UGT1A7: variants seen among roughly 807,000 people sequenced by gnomAD.
UGT1A7 encodes UDP-glucuronosyltransferase 1A7.
In UGT1A7, 33 loss-of-function variants were observed where a neutral mutation model predicts 45.6. That is an observed-to-expected ratio of 0.72 (90% confidence interval 0.55 to 0.97). The LOEUF (loss-of-function observed/expected upper bound fraction) is 0.97. Ranked by LOEUF, UGT1A7 falls within the 50% of genes least tolerant of loss-of-function variation. UGT1A7 has a pLI of 0.00. For missense variants in UGT1A7, 684 were observed against 666.2 expected (o/e 1.03, Z -0.29); for synonymous variants, 274 against 250.6 (o/e 1.09, Z -0.88).
chr2:233,752,891 G>A (rs76026343), intron 1 of UGT1A7, among the ~76,000 whole-genome samples: 3,078 of 152,286 alleles, frequency 0.02, 63 homozygotes, highest in Non-Finnish European at 0.029. Context: ...ACTAGCCAGC[G>A]TTGTTACAGA....
intron 1 of UGT1A7, chr2:233,753,285 G>A (rs1446489164): frequency 6.6e-6 from 1 of 152,238 alleles, no homozygotes; most frequent in Admixed American, 6.5e-5. Context: ...TGATTTCAGA[G>A]TTCAGTGTGA....
rs72551358 is a variant in UGT1A7 at position 233,772,345 on chromosome 2, A to T, written c.1379A>T (p.Glu460Val). Residue 460 changes from glutamate (E) to valine (V), a missense_variant, in exon 5 of 5, where the codon GAG becomes GTG. Coordinates refer to ENST00000373426, the MANE Select transcript of UGT1A7 (RefSeq NM_019077.3). ...CTGGACCTGGCCGTGTTCTGGGTGGAGTTTGTGATGAGGCACAAGGGCGCG... is the reference window on the plus strand; with the variant it reads ...CTGGACCTGGCCGTGTTCTGGGTGGTGTTTGTGATGAGGCACAAGGGCGCG... ...EPLDLAVFWV[E>V]FVMRHKGAPH... 7 of 1,614,196 alleles carry T rather than the reference A, an allele frequency of 4.3e-6. No homozygotes were observed. In the South Asian group the frequency reaches 7.7e-5, roughly 18 times the overall value.
rs543664272 is a variant in UGT1A7 at position 233,740,192 on chromosome 2, C to A, written c.856-26842C>A. Among the ~76,000 whole-genome samples, 491 of 151,932 alleles carry A rather than the reference C, an allele frequency of 3.2e-3. 4 individuals are homozygous for A. The highest frequency in any genetic ancestry group is 5.8e-3 in the Non-Finnish European group (395 of 68,032). On this transcript the variant is annotated intron_variant, in intron 1 of 4. Transcript: ENST00000373426. ...AACTGTGAGTCAATTAAACCTCTTT[C>A]TTTTATAAATTACCCAGTCTCAGCT...
chr2:233,764,393 C>G (rs1698551622), intron 1 of UGT1A7, among the ~76,000 whole-genome samples: 7 of 152,218 alleles, frequency 4.6e-5, no homozygotes. Context: ...GCCGTGATGA[C>G]AACTTCTCTG....
In UGT1A7 at chr2:233,693,952, C is replaced by T. The variant is rs1040286901; in HGVS notation, c.855+11160C>T. ...ATTTGGCTCCTTGAGCCGACTGTCC[C>T]TTGGAGGATTTCCTGGAGAAACGGT... On this transcript the variant is annotated intron_variant, in intron 1 of 4. Coordinates refer to ENST00000373426, the MANE Select transcript of UGT1A7 (RefSeq NM_019077.3). The T allele has an allele frequency of 1.9e-6, 3 of 1,588,800 alleles. No homozygotes were observed. The African/African-American group carries it at 4.1e-5, about 21-fold the overall frequency.
intron 1 of UGT1A7, among the ~76,000 whole-genome samples, chr2:233,684,674 T>C (rs983041087): frequency 2.0e-5 from 3 of 152,100 alleles, no homozygotes; most frequent in African/African-American, 7.2e-5. Context: ...AATATACATA[T>C]GATAGGATTT....
At chr2:233,749,503 T>C (rs1362784067) in intron 1 of UGT1A7, among the ~76,000 whole-genome samples, 2 of 151,872 alleles carry the variant, frequency 1.3e-5, no homozygotes, top group African/African-American at 2.4e-5. Flanking sequence ...CTTAGAGAAT[T>C]AGAGAACACT....
At chr2:233,721,253 T>C (rs373881377) in intron 1 of UGT1A7, among the ~76,000 whole-genome samples, 4 of 152,188 alleles carry the variant, frequency 2.6e-5, no homozygotes, top group East Asian at 3.9e-4. Flanking sequence ...AAAATATATA[T>C]GTTCTTTAGC....
At chr2:233,729,664 T>G (rs755209657) in intron 1 of UGT1A7, 35 of 1,613,812 alleles carry the variant, frequency 2.2e-5, no homozygotes, top group Non-Finnish European at 3.0e-5. Context: ...TCCATGTGAT[T>G]TAGACTTTAA....
chr2:233,683,340 G>C (rs2074629186), intron 1 of UGT1A7, among the ~76,000 whole-genome samples: 1 of 152,046 alleles, frequency 6.6e-6, no homozygotes, highest in Admixed American at 6.6e-5. Context: ...ATAATTGCAT[G>C]GTAGTCTTTA....
Position 233,682,699 on chromosome 2 carries a change from A to G in UGT1A7, c.762A>G (p.Arg254=). The change falls in exon 1 of 5, where the codon CGA becomes CGG. Residue 254 remains arginine, a synonymous_variant. Coordinates refer to ENST00000373426, the MANE Select transcript of UGT1A7 (RefSeq NM_019077.3). ...LYSHTSIWLL[R]TDFVLEYPKP... ...GCCACACATCAATTTGGTTGTTGCG[A>G]ACTGACTTTGTTTTGGAGTATCCCA... 6.2e-7 allele frequency: 1 copy of G among 1,613,906 alleles called. No individual in the cohort carries two copies. Among genetic ancestry groups the G allele is most frequent in the Non-Finnish European group, 8.5e-7 (1 of 1,179,794 alleles).
At chr2:233,725,956 A>C (rs1405968247) in intron 1 of UGT1A7, among the ~76,000 whole-genome samples, 2 of 152,278 alleles carry the variant, frequency 1.3e-5, no homozygotes, top group East Asian at 3.9e-4. Flanking sequence ...GTTTGAGCCC[A>C]GGAGTCTGAG....
chr2:233,757,562 G>GATATATATA (rs1696648748), intron 1 of UGT1A7, among the ~76,000 whole-genome samples: 1 of 90,870 alleles, frequency 1.1e-5, no homozygotes, highest in African/African-American at 5.1e-5. Context: ...ATATATATAT[G>GATATATATA]TATATATGAT....
At chr2:233,705,496 C>T (rs190154138) in intron 1 of UGT1A7, among the ~76,000 whole-genome samples, 1 of 152,074 alleles carries the variant, frequency 6.6e-6, no homozygotes. Flanking sequence ...ATAATAAATA[C>T]CTTTTTAAGA....
chr2:233,769,821 C>T lies in UGT1A7; in HGVS notation c.1295+1382C>T, dbSNP rs1699946575. 1.3e-6 allele frequency: 1 copy of T among 784,900 alleles called. No homozygotes were observed. 48.6% of individuals were successfully genotyped at this position (784,900 alleles called of 1,614,324 possible). A position where few individuals can be genotyped will look rare whatever the true frequency, so the allele number is the denominator to read the frequency against. The stretch of plus-strand genomic sequence containing the variant: ...TATGAGCCGTGATCATGCCACTGCA[C>T]TCCAGCAACCTGGGCAACAGAGTGA... On this transcript the variant is annotated intron_variant, in intron 4 of 4. Transcript: ENST00000373426. The surrounding 1 kb of genome is among the most constrained non-coding windows in gnomAD (Gnocchi z 4.4).
At chr2:233,731,985 C>T (rs770013724) in intron 1 of UGT1A7, among the ~76,000 whole-genome samples, 2 of 152,098 alleles carry the variant, frequency 1.3e-5, no homozygotes, top group Admixed American at 6.6e-5. Flanking sequence ...TTCTAACTGG[C>T]GTGAGATGGT....
intron 1 of UGT1A7, among the ~76,000 whole-genome samples, chr2:233,735,983 G>A (rs541234939): frequency 2.6e-5 from 4 of 152,114 alleles, no homozygotes; most frequent in Non-Finnish European, 5.9e-5. Context: ...TGACAATTAT[G>A]TGTCTTGGAG....
intron 1 of UGT1A7, among the ~76,000 whole-genome samples, chr2:233,749,662 A>G (rs1433200566): frequency 2.0e-5 from 3 of 151,858 alleles, no homozygotes; most frequent in African/African-American, 7.3e-5. Flanking sequence ...TGTAATCCCC[A>G]TAATCCCCAC....
At chr2:233,742,506 T>C (rs1389190553) in intron 1 of UGT1A7, among the ~76,000 whole-genome samples, 1 of 151,946 alleles carries the variant, frequency 6.6e-6, no homozygotes, top group East Asian at 1.9e-4. Flanking sequence ...ATGGCTATCA[T>C]GAACACGTCA....
Sources: allele counts gnomAD v4.1 joint callset (sites outside exome capture counted in the v4.1 genomes callset), GRCh38; gene constraint gnomAD v4.1.1; non-coding constraint Gnocchi (gnomAD v3.1); transcripts MANE v1.5; gene names NCBI Gene and HGNC (gene_info 2026-07-23, HGNC 2026-07-21).